CDH3: variants seen among roughly 807,000 people sequenced by gnomAD.
CDH3 encodes the protein cadherin 3, also known as cadherin-3.
CDH3 carries 54 observed loss-of-function variants against 82.0 expected under a neutral mutation model. That is an observed-to-expected ratio of 0.66 (90% CI 0.53 to 0.83). The LOEUF is 0.83. CDH3 is among the 40% of genes least tolerant of loss of function. The pLI is 0.00. For missense variants in CDH3, 1,054 were observed against 1,084.6 expected, an observed-to-expected ratio of 0.97 and a Z score of 0.40; for synonymous variants, 446 against 437.9, an observed-to-expected ratio of 1.02 and a Z score of -0.23.
At chr16:68,670,092 C>T (rs1379043464) in intron 2 of CDH3, among the ~76,000 whole-genome samples, 2 of 151,868 alleles carry the variant, frequency 1.3e-5, no homozygotes, top group African/African-American at 4.8e-5. Context: ...GGCCTGGTGG[C>T]GGGCGCCTGT....
downstream of CDH3, among the ~76,000 whole-genome samples, chr16:68,728,851 T>A (rs115022667): frequency 1.3e-5 from 2 of 152,178 alleles, no homozygotes; most frequent in African/African-American, 4.8e-5. Flanking sequence ...TCTTGCTTCC[T>A]GATACAATGC....
chr16:68,658,146 C>T (rs927291724), intron 2 of CDH3, among the ~76,000 whole-genome samples: 7 of 151,248 alleles, frequency 4.6e-5, no homozygotes, highest in African/African-American at 1.2e-4. Context: ...GTGATCCACC[C>T]GCCTCAGCAC....
chr16:68,710,456 A>G (rs1438949410), intron 1 of CDH3, among the ~76,000 whole-genome samples: 1 of 152,186 alleles, frequency 6.6e-6, no homozygotes, highest in African/African-American at 2.4e-5. Flanking sequence ...TGGGGGTGCT[A>G]CTGGCATCTA....
At chr16:68,687,760 G>A (rs781386616) in intron 12 of CDH3, 24 bp downstream of exon 12, 51 of 1,569,540 alleles carry the variant, frequency 3.2e-5, no homozygotes, top group South Asian at 5.5e-5. Context: ...TGGTGGTAGC[G>A]GGTGGGGTGC....
At chr16:68,686,134 G>A (rs1013737176) in intron 11 of CDH3, among the ~76,000 whole-genome samples, 2 of 152,266 alleles carry the variant, frequency 1.3e-5, no homozygotes, top group African/African-American at 4.8e-5. Context: ...TGGCCAACAT[G>A]GCAAAACACT....
At chr16:68,691,397 A>T (rs1961570114) in intron 12 of CDH3, among the ~76,000 whole-genome samples, 1 of 152,228 alleles carries the variant, frequency 6.6e-6, no homozygotes, top group South Asian at 2.1e-4. Flanking sequence ...GCAAAAAAAC[A>T]GTGTAGCAGC....
chr16:68,663,022 C>T (rs1014939788), intron 2 of CDH3, among the ~76,000 whole-genome samples: 2 of 151,064 alleles, frequency 1.3e-5, no homozygotes, highest in Non-Finnish European at 2.9e-5. Flanking sequence ...GTGCCTGCCA[C>T]CACACCCAGC....
intron 2 of CDH3, among the ~76,000 whole-genome samples, chr16:68,660,548 T>A (rs1396366779): frequency 6.6e-6 from 1 of 152,246 alleles, no homozygotes; most frequent in African/African-American, 2.4e-5. Context: ...CAGACACTCA[T>A]TTCTGTTCTT....
chr16:68,704,781 G>A (rs547581766), downstream of CDH3, among the ~76,000 whole-genome samples: 17 of 152,216 alleles, frequency 1.1e-4, no homozygotes, highest in South Asian at 2.1e-4. Flanking sequence ...GCAGCCAGGC[G>A]TGATGGCTCA....
At position 68,707,870 on chromosome 16, in the gene CDH3, G is replaced by A. The variant is rs1449139550; in HGVS notation, c.99+11947G>A. ...CGGGGAGGAATCTGAGAGGGGCGGG[G>A]CGGGTCAGGAATGCCTGGGCTCCGT... is the stretch of plus-strand genomic sequence containing the variant. On this transcript the variant is annotated intron_variant, in intron 1 of 2. Transcript: ENST00000569080. The surrounding 1 kb of genome is among the most constrained non-coding windows in gnomAD (Gnocchi z 4.5). 6.6e-6 allele frequency among the ~76,000 whole-genome samples: 1 copy of A among 151,678 alleles called. No individual in the cohort carries two copies. The highest frequency in any genetic ancestry group is 2.4e-5 in the African/African-American group (1 of 41,274).
chr16:68,684,713 C>T lies in CDH3; in HGVS notation c.1313C>T (p.Pro438Leu). Residue 438 changes from proline (P) to leucine (L), a missense_variant, in exon 10 of 16, where the codon CCT becomes CTT. Transcript: ENST00000264012. ...VVHVEDVNEA[P>L]VFVPPSKVVE... Reference sequence around the variant, plus strand: ...CACGTGGAGGATGTGAATGAGGCACCTGTGTTTGTCCCACCCTCCAAAGTC... The same window carrying T: ...CACGTGGAGGATGTGAATGAGGCACTTGTGTTTGTCCCACCCTCCAAAGTC... 2 of 1,614,212 alleles carry T rather than the reference C, an allele frequency of 1.2e-6. No homozygotes were observed. The highest frequency in any genetic ancestry group is 1.7e-6 in the Non-Finnish European group (2 of 1,180,040).
At chr16:68,731,019 TCAAAAAA>T (rs1224542715), downstream of CDH3, among the ~76,000 whole-genome samples, 1 of 4,996 alleles carries the variant, frequency 2.0e-4, no homozygotes, top group African/African-American at 1.2e-3. Flanking sequence ...AAACTCCGTC[TCAAAAAA>T]AAAAAAAAAA....
chr16:68,666,663 C>T (rs1226220499), intron 2 of CDH3, among the ~76,000 whole-genome samples: 4 of 152,190 alleles, frequency 2.6e-5, no homozygotes, highest in African/African-American at 9.7e-5. Context: ...CACCAGGGCT[C>T]AGCCCCTCTC....
chr16:68,673,042 G>A (rs896569940), intron 2 of CDH3, among the ~76,000 whole-genome samples: 1 of 152,108 alleles, frequency 6.6e-6, no homozygotes, highest in South Asian at 2.1e-4. Context: ...TATACCCAGT[G>A]TTTCTACCCA....
chr16:68,712,046 T>TTTC (rs1962038240), intron 1 of CDH3, among the ~76,000 whole-genome samples: 1 of 146,908 alleles, frequency 6.8e-6, no homozygotes, highest in South Asian at 2.2e-4. Flanking sequence ...TCTTTTTTTT[T>TTTC]TTTTTTTTTG....
At chr16:68,664,873 C>T (rs1189635209) in intron 2 of CDH3, among the ~76,000 whole-genome samples, 2 of 152,026 alleles carry the variant, frequency 1.3e-5, no homozygotes, top group Non-Finnish European at 1.5e-5. Context: ...TGGTCTCAAA[C>T]TCCTGGACTT....
chr16:68,671,761 A>G (rs1960889630), intron 2 of CDH3, among the ~76,000 whole-genome samples: 1 of 151,964 alleles, frequency 6.6e-6, no homozygotes, highest in Admixed American at 6.6e-5. Flanking sequence ...ACCTCAGGTG[A>G]TCCGCCCATC....
chr16:68,666,538 C>CCTATGACCT (rs1437748011), intron 2 of CDH3, among the ~76,000 whole-genome samples: 2 of 152,036 alleles, frequency 1.3e-5, no homozygotes, highest in Admixed American at 6.6e-5. Flanking sequence ...ACTTTGCTGC[C>CCTATGACCT]CTATGACCTC....
chr16:68,672,268 G>GTCATT (rs3049694), intron 2 of CDH3, among the ~76,000 whole-genome samples: 130,546 of 150,994 alleles, frequency 0.86, 56,605 homozygotes, highest in Non-Finnish European at 0.89. Flanking sequence ...ATTGGGAAAG[G>GTCATT]TCATTTCAGT....
Sources: allele counts gnomAD v4.1 joint callset (sites outside exome capture counted in the v4.1 genomes callset), GRCh38; gene constraint gnomAD v4.1.1; non-coding constraint Gnocchi (gnomAD v3.1); transcripts MANE v1.5; gene names NCBI Gene and HGNC (gene_info 2026-07-23, HGNC 2026-07-21).